MED14: variants seen among roughly 807,000 people sequenced by gnomAD.
MED14 encodes the protein mediator of RNA polymerase II transcription subunit 14.
Under a neutral mutation model 109.0 loss-of-function variants are expected in MED14, and 8 were observed. The observed-to-expected ratio is 0.07, with a 90% confidence interval of 0.04 to 0.13. The LOEUF (loss-of-function observed/expected upper bound fraction) is 0.13, where lower values mean the gene tolerates loss of function less well. Ranked by LOEUF, MED14 falls within the 10% of genes least tolerant of loss-of-function variation. MED14 has a pLI of 1.00. For synonymous variants in MED14, 399 were observed against 408.7 expected (o/e 0.98, Z 0.29); for missense variants, 711 against 1,142.4 (o/e 0.62, Z 5.44).
Position 40,692,180 on chromosome X carries a change from T to C in MED14, c.1980+3A>G. ...GTATCCAGAACTGTTCCAAAAAACT[T>C]ACCTCCAACCGAAGTCCTACAAATG... On this transcript the variant is annotated splice_donor_region_variant and intron_variant, in intron 15 of 30. Coordinates refer to ENST00000324817, the MANE Select transcript of MED14 (RefSeq NM_004229.4). 8.3e-7 allele frequency: 1 copy of C among 1,207,609 alleles called. No individual in the cohort carries two copies. The highest frequency in any genetic ancestry group is 1.1e-6 in the Non-Finnish European group (1 of 894,098).
chrX:40,705,305 C>T (rs1412418449), intron 10 of MED14, among the ~76,000 whole-genome samples: 3 of 111,813 alleles, frequency 2.7e-5, no homozygotes, highest in Non-Finnish European at 3.8e-5. Flanking sequence ...ATTTCTAAAG[C>T]GTGGCAACAG....
At chrX:40,694,217 G>C (rs747090918) in intron 13 of MED14, among the ~76,000 whole-genome samples, 1 of 111,263 alleles carries the variant, frequency 9.0e-6, no homozygotes, top group Admixed American at 9.6e-5. Flanking sequence ...TTTTTGTGAT[G>C]AGGAAACTGA....
intron 21 of MED14, among the ~76,000 whole-genome samples, chrX:40,677,427 A>G (rs890699079): frequency 1.5e-4 from 17 of 111,637 alleles, no homozygotes; most frequent in Admixed American, 2.9e-4. Flanking sequence ...GAGGAAAGAC[A>G]CTAATATAAA....
rs375968515 is a variant in MED14 at position 40,722,514 on chromosome X, G to C, written c.348+4232C>G. ...ACAAATCTCAGAGTTACTGGCCTTA[G>C]AGAGGAGGCAGAAAAAGAGAGATAA... On this transcript the variant is annotated intron_variant, in intron 3 of 30. Transcript: ENST00000324817. Among the ~76,000 whole-genome samples the C allele has an allele frequency of 9.0e-5, 10 of 111,696 alleles. No homozygotes were observed. In the East Asian group the frequency reaches 2.2e-3, roughly 25 times the overall value.
chrX:40,685,904 C>A (rs1001692295), intron 16 of MED14, among the ~76,000 whole-genome samples: 1 of 112,010 alleles, frequency 8.9e-6, no homozygotes, highest in Non-Finnish European at 1.9e-5. Context: ...AGTATCAACT[C>A]ATATTCATAT....
intron 1 of MED14, among the ~76,000 whole-genome samples, chrX:40,734,984 C>G (rs1437358967): frequency 8.9e-6 from 1 of 111,806 alleles, no homozygotes; most frequent in Non-Finnish European, 1.9e-5. Context: ...TAACAACACG[C>G]AAAATTAACA....
chrX:40,708,660 C>T (rs1415028742), intron 10 of MED14, among the ~76,000 whole-genome samples: 2 of 111,976 alleles, frequency 1.8e-5, no homozygotes, highest in African/African-American at 3.2e-5. Context: ...TATGATGTTG[C>T]GAACCTATAT....
At position 40,731,485 on chromosome X, in the gene MED14, T is replaced by A. The variant is rs1215322470; in HGVS notation, c.216-2140A>T. On this transcript the variant is annotated intron_variant, in intron 1 of 30. Coordinates refer to ENST00000324817, the MANE Select transcript of MED14 (RefSeq NM_004229.4). The stretch of plus-strand genomic sequence containing the variant: ...ATGGTAAGTTCCCAAACTAATTAAT[T>A]AATAATTACCACAATCAAAAGTGAA... Among the ~76,000 whole-genome samples, 9 of 111,618 alleles carry A rather than the reference T, an allele frequency of 8.1e-5. No homozygotes were observed. In the Admixed American group the frequency reaches 8.6e-4, roughly 11 times the overall value.
At chrX:40,666,989 G>A in intron 23 of MED14, 138 bp from the exon 24 acceptor site, 1 of 492,345 alleles carries the variant, frequency 2.0e-6, no homozygotes, top group South Asian at 5.0e-5. Context: ...GAGAAAAACT[G>A]GCACGATTTC....
Position 40,649,739 on chromosome X carries a change from T to G in MED14, c.*2067A>C. On this transcript the variant is annotated 3_prime_UTR_variant, in exon 31 of 31. Coordinates refer to ENST00000324817, the MANE Select transcript of MED14 (RefSeq NM_004229.4). ...CTTACTATTCAAATGCTAAATGTTTTCAAGCTTTAATAAGGTATATATCAA... is the reference window on the plus strand; with the variant it reads ...CTTACTATTCAAATGCTAAATGTTTGCAAGCTTTAATAAGGTATATATCAA... The G allele has an allele frequency of 2.3e-6, 2 of 870,068 alleles. No individual in the cohort carries two copies. The highest frequency in any genetic ancestry group is 2.8e-6 in the Non-Finnish European group (2 of 704,257). 71.7% of individuals were successfully genotyped at this position (870,068 alleles called of 1,213,427 possible).
chrX:40,684,558 C>T (rs1930232254), intron 16 of MED14, among the ~76,000 whole-genome samples: 1 of 112,253 alleles, frequency 8.9e-6, no homozygotes, highest in African/African-American at 3.2e-5. Flanking sequence ...CATAAACTAC[C>T]TATCCGTTCT....
rs1219659013 is a variant in MED14 at position 40,662,979 on chromosome X, G to A, written c.3630C>T (p.Phe1210=). The change falls in exon 26 of 31, where the codon TTC becomes TTT. Residue 1210 remains phenylalanine, a synonymous_variant. Coordinates refer to ENST00000324817, the MANE Select transcript of MED14 (RefSeq NM_004229.4). The part of the protein sequence containing the change: ...GSYLCSPLER[F]LGSVIMRRHL... ...GTCGTCTCATGATGACTGATCCAAG[G>A]AATCTCTCAAGTGGAGAACAAAGGT... The A allele has an allele frequency of 1.7e-6, 2 of 1,211,445 alleles. No individual in the cohort carries two copies. Among genetic ancestry groups the A allele is most frequent in the Admixed American group, 4.3e-5 (2 of 46,074 alleles).
chrX:40,729,183 C>G (rs1931995272), intron 2 of MED14, 136 bp downstream of exon 2: 1 of 531,162 alleles, frequency 1.9e-6, no homozygotes, highest in South Asian at 3.3e-5. Context: ...TCCCTAAATA[C>G]ATGGTGTGAA....
In MED14 at chrX:40,681,816, A is replaced by G. The variant is rs763386447; in HGVS notation, c.2457+36T>C. On this transcript the variant is annotated intron_variant, in intron 19 of 30. Coordinates refer to ENST00000324817, the MANE Select transcript of MED14 (RefSeq NM_004229.4). The stretch of plus-strand genomic sequence containing the variant: ...TTTTAATTCTTGATTTTTAAGATTC[A>G]TAAGACAGGAACTTCAGCATTTTAA... 32 of 749,881 alleles carry G rather than the reference A, an allele frequency of 4.3e-5. No homozygotes were observed. The Admixed American group carries it at 1.0e-3, about 24-fold the overall frequency. The allele number at this position is 749,881 out of a possible 1,213,427, so 61.8% of individuals were successfully genotyped here. A position where few individuals can be genotyped will look rare whatever the true frequency, so the allele number is the denominator to read the frequency against.
intron 30 of MED14, 39 bp from the exon 31 acceptor site, chrX:40,651,918 C>T (rs1300693068): frequency 4.6e-5 from 53 of 1,158,318 alleles, no homozygotes; most frequent in Non-Finnish European, 6.0e-5. Flanking sequence ...ATTCACAACA[C>T]AGGAAAGATG....
intron 3 of MED14, among the ~76,000 whole-genome samples, chrX:40,726,196 G>A (rs962949876): frequency 9.0e-6 from 1 of 111,067 alleles, no homozygotes; most frequent in Non-Finnish European, 1.9e-5. Context: ...TGAGGTTCTC[G>A]AAGGCAGGGA....
intron 10 of MED14, among the ~76,000 whole-genome samples, chrX:40,707,051 A>C (rs5917384): frequency 0.29 from 31,793 of 110,018 alleles, 4,255 homozygotes; most frequent in African/African-American, 0.52. Context: ...GCTTGAGCCC[A>C]GGAGCATAAG....
At chrX:40,731,553 C>A (rs1054109832) in intron 1 of MED14, among the ~76,000 whole-genome samples, 15 of 111,726 alleles carry the variant, frequency 1.3e-4, no homozygotes, top group Non-Finnish European at 9.4e-5. Flanking sequence ...ATAACTTTTC[C>A]TATTAAATTT....
At chrX:40,658,688 CAAAAAAAAAAAAAAAA>C (rs60449902) in intron 28 of MED14, among the ~76,000 whole-genome samples, 1 of 21,632 alleles carries the variant, frequency 4.6e-5, no homozygotes, top group African/African-American at 1.8e-4. Flanking sequence ...CCGTCTCTAC[CAAAAAAAAAAAAAAAA>C]AAAAAAAAAA....
Sources: allele counts gnomAD v4.1 joint callset (sites outside exome capture counted in the v4.1 genomes callset), GRCh38; gene constraint gnomAD v4.1.1; transcripts MANE v1.5; gene names NCBI Gene and HGNC (gene_info 2026-07-23, HGNC 2026-07-21).